RPH3A: variants seen among roughly 807,000 people sequenced by gnomAD.
RPH3A encodes rabphilin 3A.
In RPH3A, 48 loss-of-function variants were observed where a neutral mutation model predicts 102.2. The ratio of observed to expected loss-of-function variants is 0.47; its 90% confidence interval spans 0.37 to 0.60. RPH3A has a LOEUF of 0.60. Ranked by LOEUF, RPH3A falls within the 20% of genes least tolerant of loss-of-function variation. RPH3A has a pLI of 0.00. For synonymous variants in RPH3A, 310 were observed against 324.3 expected, an observed-to-expected ratio of 0.96 and a Z score of 0.47; for missense variants, 781 against 910.1, an observed-to-expected ratio of 0.86 and a Z score of 1.83.
intron 1 of RPH3A, among the ~76,000 whole-genome samples, chr12:112,781,502 G>A (rs934575129): frequency 5.3e-4 from 81 of 152,104 alleles, no homozygotes; most frequent in African/African-American, 1.9e-3. Flanking sequence ...TGTGTGGTTC[G>A]GGACCATGAG....
In RPH3A at chr12:112,866,811, C is replaced by T; in HGVS notation, c.415C>T (p.Leu139Phe). 1 of 1,611,484 alleles carries T rather than the reference C, an allele frequency of 6.2e-7. No homozygotes were observed. The highest frequency in any genetic ancestry group is 1.1e-5 in the South Asian group (1 of 90,408). Reference protein sequence around the residue: ...ETNNRLHSVWLCKICIEQREV... With the variant: ...ETNNRLHSVWFCKICIEQREV... ...CAACAACCGCCTGCATTCTGTGTGG[C>T]TCTGCAAAATCTGCATTGAGCAGAG... The change falls in exon 7 of 22, where the codon CTC becomes TTC. Residue 139 changes from leucine to phenylalanine, a missense_variant. Physicochemically the swap from Leu to Phe is conservative, Grantham distance 22. This residue lies in a region of RPH3A where 730 missense variants were observed against 810.0 expected (regional missense o/e 0.90). Coordinates refer to ENST00000389385, the MANE Select transcript of RPH3A (RefSeq NM_001143854.2).
chr12:112,613,356 C>T (rs531191372), intron 1 of RPH3A, among the ~76,000 whole-genome samples: 19 of 152,136 alleles, frequency 1.2e-4, no homozygotes, highest in Admixed American at 6.5e-4. Context: ...GGTGGCCTCG[C>T]GGTTCTAAGA....
chr12:112,615,530 C>T (rs146589785), intron 1 of RPH3A, among the ~76,000 whole-genome samples: 91 of 152,250 alleles, frequency 6.0e-4, no homozygotes, highest in Non-Finnish European at 1.2e-3. Context: ...TGTTAGGGAC[C>T]CACTCATACC....
chr12:112,650,267 T>C (rs2039964265), intron 1 of RPH3A, among the ~76,000 whole-genome samples: 1 of 151,976 alleles, frequency 6.6e-6, no homozygotes, highest in African/African-American at 2.4e-5. Flanking sequence ...TGTAGATGTG[T>C]GAAATGATTC....
chr12:112,833,639 CT>C (rs1180149868), intron 3 of RPH3A, among the ~76,000 whole-genome samples: 1 of 93,852 alleles, frequency 1.1e-5, no homozygotes, highest in Admixed American at 9.7e-5. Flanking sequence ...GCTGGATTCC[CT>C]TTTTTAAAAA....
chr12:112,593,510 C>G (rs533687179), intron 1 of RPH3A, among the ~76,000 whole-genome samples: 3 of 152,146 alleles, frequency 2.0e-5, no homozygotes, highest in African/African-American at 7.2e-5. Flanking sequence ...GTAGGAACTG[C>G]ACATCCATGT....
intron 1 of RPH3A, among the ~76,000 whole-genome samples, chr12:112,645,056 T>A (rs2039918022): frequency 6.6e-6 from 1 of 152,118 alleles, no homozygotes; most frequent in Non-Finnish European, 1.5e-5. Context: ...TTTTTAAAAG[T>A]TGAGTATTGT....
chr12:112,855,750 C>T (rs770301279), intron 5 of RPH3A, among the ~76,000 whole-genome samples: 2 of 152,206 alleles, frequency 1.3e-5, no homozygotes, highest in African/African-American at 2.4e-5. Context: ...CCATTCCCAG[C>T]AGATGGCCCA....
chr12:112,657,686 G>C (rs778043899), intron 1 of RPH3A, among the ~76,000 whole-genome samples: 4 of 152,096 alleles, frequency 2.6e-5, no homozygotes, highest in Admixed American at 6.6e-5. Flanking sequence ...TGTGGTATGT[G>C]ATTGTATTAT....
chr12:112,862,645 C>T (rs2042538688), intron 5 of RPH3A, among the ~76,000 whole-genome samples: 1 of 151,446 alleles, frequency 6.6e-6, no homozygotes, highest in African/African-American at 2.4e-5. Context: ...GTGCTGCCTT[C>T]AGCTCTGTGC....
chr12:112,590,929 G>A (rs1036004876), intron 1 of RPH3A, among the ~76,000 whole-genome samples: 1 of 152,132 alleles, frequency 6.6e-6, no homozygotes, highest in African/African-American at 2.4e-5. Flanking sequence ...CGAGTAGTTG[G>A]AAATACAGGC....
At chr12:112,705,415 A>G (rs2040421649) in intron 1 of RPH3A, among the ~76,000 whole-genome samples, 1 of 152,220 alleles carries the variant, frequency 6.6e-6, no homozygotes, top group Non-Finnish European at 1.5e-5. Flanking sequence ...GAGTAACTCT[A>G]CTCCTTAAAA....
chr12:112,875,699 C>G lies in RPH3A; in HGVS notation c.904C>G (p.Pro302Ala). ...CTCAGGGACCCCAGGAGGAAGCAGA[C>G]CGGGTCCTGGGCCAGCAGGACGCTT... Reference protein sequence around the residue: ...GQPGTPGGSRPGPGPAGRFPD... With the variant: ...GQPGTPGGSRAGPGPAGRFPD... The change falls in exon 12 of 22, where the codon CCG (proline) becomes GCG (alanine). Residue 302 changes from proline to alanine, a missense_variant. By Grantham distance (27) the Pro-to-Ala change is conservative. Coordinates refer to ENST00000389385, the MANE Select transcript of RPH3A (RefSeq NM_001143854.2). 1 of 1,613,908 alleles carries G rather than the reference C, an allele frequency of 6.2e-7. No individual in the cohort carries two copies. The highest frequency in any genetic ancestry group is 1.1e-5 in the South Asian group (1 of 91,034).
intron 1 of RPH3A, among the ~76,000 whole-genome samples, chr12:112,681,887 A>C (rs967183188): frequency 6.6e-6 from 1 of 152,218 alleles, no homozygotes; most frequent in African/African-American, 2.4e-5. Context: ...TGCCAGGATA[A>C]ATATCGACAT....
intron 2 of RPH3A, among the ~76,000 whole-genome samples, chr12:112,810,200 G>A (rs1042956601): frequency 1.3e-5 from 2 of 152,180 alleles, no homozygotes; most frequent in African/African-American, 4.8e-5. Context: ...AATCAGGGCT[G>A]AATGAATTCA....
intron 1 of RPH3A, among the ~76,000 whole-genome samples, chr12:112,764,348 G>A (rs2040874214): frequency 6.6e-6 from 1 of 152,214 alleles, no homozygotes; most frequent in African/African-American, 2.4e-5. Flanking sequence ...AGTGAGAGAA[G>A]AGGAGGCTTG....
At chr12:112,867,494 G>A (rs2136222981) in intron 7 of RPH3A, among the ~76,000 whole-genome samples, 1 of 152,276 alleles carries the variant, frequency 6.6e-6, no homozygotes, top group East Asian at 1.9e-4. Context: ...GCACACTTCA[G>A]TAGGATAATC....
intron 1 of RPH3A, among the ~76,000 whole-genome samples, chr12:112,605,454 A>G (rs1448806366): frequency 1.3e-5 from 2 of 152,178 alleles, no homozygotes; most frequent in East Asian, 3.9e-4. Context: ...AAAACCAACA[A>G]CAACAAACCA....
chr12:112,863,547 T>C (rs2042556787), intron 5 of RPH3A, among the ~76,000 whole-genome samples: 1 of 152,262 alleles, frequency 6.6e-6, no homozygotes, highest in Admixed American at 6.5e-5. Flanking sequence ...CTTGAACTCC[T>C]GGCCTCAGGT....
Sources: allele counts gnomAD v4.1 joint callset (sites outside exome capture counted in the v4.1 genomes callset), GRCh38; gene constraint gnomAD v4.1.1; regional missense constraint gnomAD v4.1.1; transcripts MANE v1.5; gene names NCBI Gene and HGNC (gene_info 2026-07-23, HGNC 2026-07-21).